Variants in RAD23B observed in about 807,000 individuals in gnomAD.
RAD23B encodes the protein lysine-specific demethylase RAD23B.
A neutral mutation model predicts 49.1 loss-of-function variants in RAD23B; 5 were observed. That is an observed-to-expected ratio of 0.10 (90% CI 0.05 to 0.21). RAD23B has a LOEUF of 0.21. RAD23B is among the 10% of genes least tolerant of loss of function. RAD23B has a pLI of 1.00. For missense variants in RAD23B, 356 were observed against 486.7 expected, an observed-to-expected ratio of 0.73 and a Z score of 2.53; for synonymous variants, 184 against 165.4, an observed-to-expected ratio of 1.11 and a Z score of -0.86.
chr9:107,294,819 G>A (rs778694174), intron 1 of RAD23B, among the ~76,000 whole-genome samples: 2 of 152,160 alleles, frequency 1.3e-5, no homozygotes, highest in African/African-American at 4.8e-5. Flanking sequence ...GAGTAGACAC[G>A]ATGGATTATC....
At chr9:107,328,310 G>A (rs1237816099) in intron 9 of RAD23B, among the ~76,000 whole-genome samples, 4 of 152,208 alleles carry the variant, frequency 2.6e-5, no homozygotes, top group Middle Eastern at 3.4e-3. Flanking sequence ...GACCAGTTAC[G>A]TAGAAGACCT....
intron 1 of RAD23B, chr9:107,284,758 T>C: frequency 9.1e-7 from 1 of 1,100,704 alleles, no homozygotes; most frequent in Non-Finnish European, 1.1e-6. Flanking sequence ...GTTGATTCTA[T>C]TTTGGGTGGA....
intron 5 of RAD23B, among the ~76,000 whole-genome samples, chr9:107,313,569 C>T (rs1826931781): frequency 6.6e-6 from 1 of 152,124 alleles, no homozygotes; most frequent in Admixed American, 6.6e-5. Context: ...TATGAGTTTT[C>T]TATGGTTCCA....
intron 1 of RAD23B, among the ~76,000 whole-genome samples, chr9:107,291,237 C>T (rs926365757): frequency 3.4e-4 from 52 of 152,172 alleles, no homozygotes; most frequent in African/African-American, 1.1e-3. Flanking sequence ...GAGATCCATT[C>T]TTTGCCTATA....
intron 6 of RAD23B, among the ~76,000 whole-genome samples, chr9:107,321,266 ATTTATGAGATACTTTAAGTATCTCAT>A (rs1231781555): frequency 7.0e-4 from 1 of 1,438 alleles, no homozygotes; most frequent in Non-Finnish European, 1.4e-3. Context: ...TAAGTATCTC[ATTTATGAGATACTTTAAGTATCTCAT>A]TTATGAGATA....
At chr9:107,315,139 G>A (rs118036509) in intron 5 of RAD23B, among the ~76,000 whole-genome samples, 1,924 of 150,842 alleles carry the variant, frequency 0.013, 19 homozygotes, top group Admixed American at 0.021. Context: ...TCTGTTTTGA[G>A]TTGACTTTTG....
At chr9:107,301,896 A>G (rs1826661883) in intron 2 of RAD23B, 139 bp from the exon 3 acceptor site, 2 of 1,246,504 alleles carry the variant, frequency 1.6e-6, no homozygotes, top group African/African-American at 1.5e-5. Context: ...TGGGAAAAGT[A>G]TTAACTGATA....
intron 1 of RAD23B, among the ~76,000 whole-genome samples, chr9:107,292,318 A>G (rs72736199): frequency 0.059 from 8,980 of 152,296 alleles, 383 homozygotes; most frequent in South Asian, 0.12. Context: ...AAGTAGTTAC[A>G]TGAGCACCTC....
chr9:107,284,090 G>C (rs916938823), intron 1 of RAD23B: 14 of 1,005,376 alleles, frequency 1.4e-5, no homozygotes, highest in Non-Finnish European at 1.5e-5. Flanking sequence ...CACTACCCCT[G>C]TGTGGACCTG....
intron 5 of RAD23B, among the ~76,000 whole-genome samples, chr9:107,315,457 C>T (rs1413380851): frequency 1.3e-5 from 2 of 152,106 alleles, no homozygotes; most frequent in Admixed American, 1.3e-4. Flanking sequence ...TCATCACCAC[C>T]TCTTTTGCCT....
chr9:107,287,332 C>T (rs982785775), intron 1 of RAD23B, among the ~76,000 whole-genome samples: 1 of 152,180 alleles, frequency 6.6e-6, no homozygotes, highest in East Asian at 1.9e-4. Context: ...ACTCTTGACA[C>T]TGTTTGCCTT....
At chr9:107,308,689 T>G (rs1826831652) in intron 4 of RAD23B, among the ~76,000 whole-genome samples, 1 of 152,244 alleles carries the variant, frequency 6.6e-6, no homozygotes, top group Admixed American at 6.5e-5. Context: ...AGTTGGACTT[T>G]GTACACCAAC....
chr9:107,331,981 T>C lies in RAD23B; in HGVS notation c.*2325T>C. The C allele has an allele frequency of 2.5e-6, 1 of 404,660 alleles. No individual in the cohort carries two copies. The highest frequency in any genetic ancestry group is 3.5e-5 in the East Asian group (1 of 28,450). 25.1% of individuals were successfully genotyped at this position (404,660 alleles called of 1,614,324 possible). ...TGACTTTGGAATTTTGCATTCGAGG[T>C]ATACTGTCATTTCTTGAAATCTTTT... is the stretch of plus-strand genomic sequence containing the variant. On this transcript the variant is annotated 3_prime_UTR_variant, in exon 10 of 10. Coordinates refer to ENST00000358015, the MANE Select transcript of RAD23B (RefSeq NM_002874.5).
At chr9:107,301,919 G>A in intron 2 of RAD23B, 116 bp from the exon 3 acceptor site, 1 of 1,364,034 alleles carries the variant, frequency 7.3e-7, no homozygotes, top group Non-Finnish European at 9.9e-7. Flanking sequence ...ATTTATGTTG[G>A]TGATTCATAT....
Position 107,311,833 on chromosome 9 carries a change from G to GT in RAD23B, c.553+98dup, listed in dbSNP as rs1017827030. ...GATAAAAGTGTTAATAATTTGCATGGTTGTTTATAATCAAGCTGTAAGATG... is the reference window on the plus strand; with the variant it reads ...GATAAAAGTGTTAATAATTTGCATGGTTTGTTTATAATCAAGCTGTAAGATG... On this transcript the variant is annotated intron_variant, in intron 5 of 9. Transcript: ENST00000358015. 3 of 909,944 alleles carry GT rather than the reference G, an allele frequency of 3.3e-6. No individual in the cohort carries two copies. In the Admixed American group the frequency reaches 9.0e-5, roughly 27 times the overall value. 56.4% of individuals were successfully genotyped at this position (909,944 alleles called of 1,614,324 possible).
chr9:107,295,493 G>A (rs1478179228), intron 1 of RAD23B, among the ~76,000 whole-genome samples: 1 of 152,198 alleles, frequency 6.6e-6, no homozygotes, highest in Non-Finnish European at 1.5e-5. Context: ...AGGAGATGTA[G>A]GTGGGTCTGG....
At chr9:107,285,278 T>A (rs1205512174) in intron 1 of RAD23B, among the ~76,000 whole-genome samples, 1 of 152,226 alleles carries the variant, frequency 6.6e-6, no homozygotes, top group Non-Finnish European at 1.5e-5. Context: ...AGTTGAAGGG[T>A]GAAAGTTAAA....
At chr9:107,284,884 C>T (rs1046660583) in intron 1 of RAD23B, 33 of 1,266,882 alleles carry the variant, frequency 2.6e-5, no homozygotes, top group Non-Finnish European at 3.2e-5. Context: ...AGGGATAATA[C>T]CTGCCTTGCA....
At position 107,283,643 on chromosome 9, in the gene RAD23B, T is replaced by G; in HGVS notation, c.14T>G (p.Leu5Arg). 1 of 1,486,156 alleles carries G rather than the reference T, an allele frequency of 6.7e-7. No homozygotes were observed. Among genetic ancestry groups the G allele is most frequent in the Non-Finnish European group, 9.0e-7 (1 of 1,116,316 alleles). The allele number at this position is 1,486,156 out of a possible 1,614,324, so 92.1% of individuals were successfully genotyped here. Reference sequence around the variant, plus strand: ...CGCGGCGGCACCATGCAGGTCACCCTGAAGACCCTCCAGCAGCAGACCTTC... The same window carrying G: ...CGCGGCGGCACCATGCAGGTCACCCGGAAGACCCTCCAGCAGCAGACCTTC... Reference protein sequence around the residue: MQVTLKTLQQQTFKI... With the variant: MQVTRKTLQQQTFKI... The change falls in exon 1 of 10, where the codon CTG becomes CGG. Residue 5 changes from leucine (L) to arginine (R), a missense_variant. Leu to Arg is a moderately radical substitution (Grantham distance 102). Transcript: ENST00000358015.
Sources: gnomAD v4.1 joint callset for allele counts (sites outside exome capture counted in the v4.1 genomes callset) on GRCh38, gnomAD v4.1.1 for gene constraint, MANE v1.5 for transcripts, NCBI Gene and HGNC (gene_info 2026-07-23, HGNC 2026-07-21) for gene names.